Variants in FAM120B observed in about 807,000 individuals in gnomAD.
FAM120B encodes constitutive coactivator of peroxisome proliferator-activated receptor gamma.
FAM120B carries 83 observed loss-of-function variants against 96.3 expected under a neutral mutation model. The observed-to-expected ratio is 0.86, with a 90% CI of 0.72 to 1.03. The LOEUF is 1.03. Ranked by LOEUF, FAM120B falls within the 50% of genes least tolerant of loss-of-function variation. The pLI, the probability that FAM120B is intolerant of heterozygous loss-of-function variation, is 0.00. For missense variants in FAM120B, 1,027 were observed against 1,121.2 expected (o/e 0.92, Z 1.20); for synonymous variants, 407 against 402.7 (o/e 1.01, Z -0.13).
chr6:170,366,567 C>A (rs1788815224), intron 6 of FAM120B, among the ~76,000 whole-genome samples: 1 of 152,082 alleles, frequency 6.6e-6, no homozygotes, highest in Admixed American at 6.5e-5. Flanking sequence ...ATGTCACCCA[C>A]AGGAGGGGAA....
chr6:170,385,965 G>A (rs1448042311), intron 6 of FAM120B, among the ~76,000 whole-genome samples: 2 of 152,138 alleles, frequency 1.3e-5, no homozygotes, highest in Non-Finnish European at 2.9e-5. Flanking sequence ...GATTGCCAGG[G>A]GCTCAGGGGA....
chr6:170,330,541 A>C lies in FAM120B; in HGVS notation c.2008A>C (p.Thr670Pro), dbSNP rs1485555570. ...GGACCTCGTCAGGCCGCTGCAGATG[A>C]CCATTCCAGGTACAGGCAGCCTTTC... ...HPDLVRPLQMTIPGGTPSLKI... is the reference protein window; with the variant it reads ...HPDLVRPLQMPIPGGTPSLKI... Residue 670 changes from threonine (T) to proline (P), a missense_variant, in exon 4 of 11, where the codon ACC becomes CCC. Physicochemically the swap from Thr to Pro is conservative, Grantham distance 38 (BLOSUM62 -1). Coordinates refer to ENST00000476287, the MANE Select transcript of FAM120B (RefSeq NM_032448.3). The C allele has an allele frequency of 2.5e-6, 4 of 1,613,408 alleles. No homozygotes were observed. In the East Asian group the frequency reaches 6.7e-5, roughly 27 times the overall value.
intron 3 of FAM120B, among the ~76,000 whole-genome samples, chr6:170,328,668 C>T (rs1317608855): frequency 1.3e-5 from 2 of 152,150 alleles, no homozygotes; most frequent in East Asian, 3.8e-4. Context: ...TATTTCCTAT[C>T]AAATTTGGAA....
At chr6:170,359,499 T>G (rs1788199872) in intron 6 of FAM120B, among the ~76,000 whole-genome samples, 1 of 151,770 alleles carries the variant, frequency 6.6e-6, no homozygotes, top group African/African-American at 2.4e-5. Context: ...CACTGCAACC[T>G]CTGCCCCATA....
At chr6:170,329,009 G>A (rs1260510265) in intron 3 of FAM120B, among the ~76,000 whole-genome samples, 1 of 149,826 alleles carries the variant, frequency 6.7e-6, no homozygotes, top group South Asian at 2.1e-4. Context: ...GGTGTAGGAC[G>A]AGGTCTCTTC....
intron 6 of FAM120B, among the ~76,000 whole-genome samples, chr6:170,372,476 CTG>C (rs1789258346): frequency 1.3e-5 from 2 of 152,086 alleles, no homozygotes. Context: ...TCATCCGGCT[CTG>C]TGATTCTTTG....
chr6:170,376,841 G>A (rs544772728), intron 6 of FAM120B, among the ~76,000 whole-genome samples: 1 of 152,340 alleles, frequency 6.6e-6, no homozygotes, highest in Non-Finnish European at 1.5e-5. Flanking sequence ...CAGGGGTTTC[G>A]GTAACCCCCT....
chr6:170,332,774 G>T (rs573994992), intron 4 of FAM120B, among the ~76,000 whole-genome samples: 134 of 151,906 alleles, frequency 8.8e-4, no homozygotes, highest in African/African-American at 3.1e-3. Flanking sequence ...GGTTCTTGTC[G>T]CACCATTAGA....
chr6:170,349,582 C>T (rs1787441259), intron 5 of FAM120B, among the ~76,000 whole-genome samples: 1 of 152,170 alleles, frequency 6.6e-6, no homozygotes, highest in Non-Finnish European at 1.5e-5. Context: ...TTCACATGCA[C>T]CAATGTAAAC....
In FAM120B at chr6:170,397,686, T is replaced by G. The variant is rs112224672; in HGVS notation, c.2692+2107T>G. On this transcript the variant is annotated intron_variant, in intron 9 of 10. Coordinates refer to ENST00000476287, the MANE Select transcript of FAM120B (RefSeq NM_032448.3). ...TCGGAAATATTGGTGTTGACTGATG[T>G]GGAGTAAAGCTACTGGGTGAAGCGG... Among the ~76,000 whole-genome samples the G allele has an allele frequency of 4.8e-3, 737 of 152,296 alleles. 6 individuals are homozygous for G. Among genetic ancestry groups the G allele is most frequent in the African/African-American group, 0.016 (675 of 41,566 alleles).
chr6:170,361,259 T>C (rs1788441115), intron 6 of FAM120B, among the ~76,000 whole-genome samples: 1 of 136,426 alleles, frequency 7.3e-6, no homozygotes, highest in African/African-American at 2.7e-5. Flanking sequence ...TATATACGTG[T>C]ATATATATAG....
chr6:170,379,710 C>T lies in FAM120B; in HGVS notation c.2284-8577C>T, dbSNP rs181444140. On this transcript the variant is annotated intron_variant, in intron 6 of 10. Coordinates refer to ENST00000476287, the MANE Select transcript of FAM120B (RefSeq NM_032448.3). ...CTCATAATTAATTTCTTTATAAATC[C>T]GTGTATTTTATTATACACATTAACT... Among the ~76,000 whole-genome samples, 508 of 152,078 alleles carry T rather than the reference C, an allele frequency of 3.3e-3. 5 individuals carry two copies. Among genetic ancestry groups the T allele is most frequent in the Non-Finnish European group, 8.2e-4 (56 of 67,990 alleles).
chr6:170,332,788 A>T (rs978409313), intron 4 of FAM120B, among the ~76,000 whole-genome samples: 3 of 152,160 alleles, frequency 2.0e-5, no homozygotes, highest in Admixed American at 1.3e-4. Flanking sequence ...CATTAGAGCC[A>T]GTTTTTCCCA....
chr6:170,345,504 C>T (rs1262148332), intron 4 of FAM120B, among the ~76,000 whole-genome samples: 1 of 152,258 alleles, frequency 6.6e-6, no homozygotes, highest in Non-Finnish European at 1.5e-5. Flanking sequence ...CAGCCTTCTC[C>T]TGCAAGCTCT....
intron 4 of FAM120B, among the ~76,000 whole-genome samples, chr6:170,338,595 C>T (rs9348312): frequency 0.11 from 16,059 of 152,004 alleles, 1,043 homozygotes; most frequent in East Asian, 0.2. Flanking sequence ...ATTTTTGTCT[C>T]GTTGATCTAA....
At chr6:170,316,669 C>G (rs1164939789) in intron 1 of FAM120B, among the ~76,000 whole-genome samples, 3 of 152,098 alleles carry the variant, frequency 2.0e-5, no homozygotes, top group Admixed American at 1.3e-4. Context: ...TTTATGTGGC[C>G]TTCTTAACAC....
chr6:170,400,603 A>T (rs1056533200), intron 9 of FAM120B, among the ~76,000 whole-genome samples: 1 of 152,010 alleles, frequency 6.6e-6, no homozygotes, highest in African/African-American at 2.4e-5. Context: ...GGCTGCAGGG[A>T]CGGCACCTCC....
intron 8 of FAM120B, among the ~76,000 whole-genome samples, chr6:170,392,741 G>T (rs1407546409): frequency 2.0e-5 from 3 of 152,116 alleles, no homozygotes; most frequent in Non-Finnish European, 4.4e-5. Flanking sequence ...TTCGTGTCAT[G>T]GGGGGAGTAG....
intron 3 of FAM120B, among the ~76,000 whole-genome samples, chr6:170,329,267 C>T (rs1785832194): frequency 6.6e-6 from 1 of 152,264 alleles, no homozygotes; most frequent in African/African-American, 2.4e-5. Context: ...GAACTACCTC[C>T]CTCACTAGGA....
Sources: gnomAD v4.1 joint callset for allele counts (sites outside exome capture counted in the v4.1 genomes callset) on GRCh38, gnomAD v4.1.1 for gene constraint, MANE v1.5 for transcripts, NCBI Gene and HGNC (gene_info 2026-07-23, HGNC 2026-07-21) for gene names.